The following LONP2 variants were observed in gnomAD, a reference collection of about 807,000 sequenced individuals.
LONP2 encodes the protein lon protease homolog 2, peroxisomal.
A neutral mutation model predicts 85.6 loss-of-function variants in LONP2; 60 were observed. The ratio of observed to expected loss-of-function variants is 0.70; its 90% CI spans 0.57 to 0.87. The LOEUF (loss-of-function observed/expected upper bound fraction) is 0.87. Among genes scored for constraint, LONP2 ranks in the 40% least tolerant of loss-of-function variants. The pLI, the probability that LONP2 is intolerant of heterozygous loss-of-function variation, is 0.00. For missense variants in LONP2, 860 were observed against 1,063.5 expected (o/e 0.81, Z 2.66); for synonymous variants, 395 against 389.7 (o/e 1.01, Z -0.16).
chr16:48,348,211 C>T lies in LONP2; in HGVS notation c.2258C>T (p.Ala753Val). 6.2e-7 allele frequency: 1 copy of T among 1,612,646 alleles called. No individual in the cohort carries two copies. Among genetic ancestry groups the T allele is most frequent in the Non-Finnish European group, 8.5e-7 (1 of 1,179,696 alleles). Residue 753 changes from alanine to valine, a missense_variant, in exon 14 of 15, where the codon GCC becomes GTC. Physicochemically the swap from Ala to Val is moderately conservative, Grantham distance 64. This residue lies in a region of LONP2 where 115 missense variants were observed against 129.0 expected (regional missense o/e 0.89). Transcript: ENST00000285737. Reference protein sequence around the residue: ...SAGVTIVTCLASLFSGRLVRS... With the variant: ...SAGVTIVTCLVSLFSGRLVRS... ...GGAGTTACCATAGTAACCTGTCTCG[C>T]CTCACTTTTTAGTGGGCGGCTGGTA...
chr16:48,281,061 C>A (rs1056288008), intron 8 of LONP2, among the ~76,000 whole-genome samples: 2 of 151,994 alleles, frequency 1.3e-5, no homozygotes, highest in African/African-American at 4.8e-5. Context: ...CATAGAAAAC[C>A]TGCTTTTAAA....
At chr16:48,305,857 A>T (rs60962209) in intron 11 of LONP2, among the ~76,000 whole-genome samples, 1,861 of 152,240 alleles carry the variant, frequency 0.012, 39 homozygotes, top group African/African-American at 0.042. Context: ...GTGGGTTTAT[A>T]TATTTTTTAT....
Position 48,252,217 on chromosome 16 carries a change from G to C in LONP2, c.320G>C (p.Arg107Pro). Reference sequence around the variant, plus strand: ...ACTCTGTTGATTACAGGCCTATGCCGTTTCCAGATTGTACAGGTCTTAAAA... The same window carrying C: ...ACTCTGTTGATTACAGGCCTATGCCCTTTCCAGATTGTACAGGTCTTAAAA... ...HYTLLITGLCRFQIVQVLKEK... is the reference protein window; with the variant it reads ...HYTLLITGLCPFQIVQVLKEK... Residue 107 changes from arginine (R) to proline (P), a missense_variant, in exon 2 of 15, where the codon CGT (arginine) becomes CCT (proline). Physicochemically the swap from Arg to Pro is moderately radical, Grantham distance 103. This residue lies in a region of LONP2 where 743 missense variants were observed against 917.3 expected (regional missense o/e 0.81). Transcript: ENST00000285737. 1 of 1,614,094 alleles carries C rather than the reference G, an allele frequency of 6.2e-7. No individual in the cohort carries two copies. Among genetic ancestry groups the C allele is most frequent in the Non-Finnish European group, 8.5e-7 (1 of 1,179,974 alleles).
At chr16:48,358,115 T>C (rs972988561), downstream of LONP2, among the ~76,000 whole-genome samples, 1 of 152,190 alleles carries the variant, frequency 6.6e-6, no homozygotes, top group African/African-American at 2.4e-5. Flanking sequence ...GCTATAGATC[T>C]TACCTCTATA....
intron 14 of LONP2, 92 bp from the exon 15 acceptor site, chr16:48,351,489 A>C (rs1567356134): frequency 1.1e-6 from 1 of 914,304 alleles, no homozygotes; most frequent in African/African-American, 1.7e-5. Flanking sequence ...TTAAAATAGT[A>C]GTGGTTAAAT....
intron 10 of LONP2, 29 bp from the exon 11 acceptor site, chr16:48,303,143 A>G (rs1972840592): frequency 6.2e-7 from 1 of 1,611,926 alleles, no homozygotes; most frequent in South Asian, 1.1e-5. Context: ...GTATATAGTC[A>G]AAAATAAAAT....
chr16:48,263,694 G>C (rs1009700946), intron 6 of LONP2, among the ~76,000 whole-genome samples: 7 of 152,218 alleles, frequency 4.6e-5, no homozygotes, highest in African/African-American at 1.7e-4. Context: ...TTGAGATCCT[G>C]ATTTCAGTTC....
chr16:48,326,172 C>T (rs1959231835), intron 11 of LONP2, among the ~76,000 whole-genome samples: 1 of 152,186 alleles, frequency 6.6e-6, no homozygotes, highest in Non-Finnish European at 1.5e-5. Flanking sequence ...TGCTAAGCAT[C>T]AGAATGCAGT....
Position 48,347,302 on chromosome 16 carries a change from T to C in LONP2, c.1939-205T>C, listed in dbSNP as rs1325130760. The stretch of plus-strand genomic sequence containing the variant: ...TTAAGGTAAAATTGCCTCTGATAAA[T>C]GTCAAAGAGGAAGTTTAGGTCTTTC... On this transcript the variant is annotated intron_variant, in intron 12 of 14. Transcript: ENST00000285737. 2.0e-5 allele frequency among the ~76,000 whole-genome samples: 3 copies of C among 152,278 alleles called. No homozygotes were observed. The East Asian group carries it at 5.8e-4, about 29-fold the overall frequency.
chr16:48,361,532 G>A (rs781763143), downstream of LONP2: 14 of 1,589,442 alleles, frequency 8.8e-6, no homozygotes, highest in East Asian at 3.1e-4. Context: ...CTTATTTTCT[G>A]TGAAACTGAA....
rs188694998 is a variant in LONP2 at position 48,294,290 on chromosome 16, A to G, written c.1384-1725A>G. Among the ~76,000 whole-genome samples, 130 of 152,268 alleles carry G rather than the reference A, an allele frequency of 8.5e-4. 1 individual carries two copies. The highest frequency in any genetic ancestry group is 3.0e-3 in the African/African-American group (126 of 41,548). ...TAGATAGTAAGACCACTCTTAACCA[A>G]TTCAATACTGAACATAATTAGTTTT... On this transcript the variant is annotated intron_variant, in intron 8 of 14. Coordinates refer to ENST00000285737, the MANE Select transcript of LONP2 (RefSeq NM_031490.5).
intron 12 of LONP2, chr16:48,344,614 G>A (rs967300928): frequency 6.6e-6 from 1 of 152,144 alleles, no homozygotes; most frequent in Admixed American, 6.5e-5. Flanking sequence ...GAAGCAACAT[G>A]GTAATCAATA....
downstream of LONP2, among the ~76,000 whole-genome samples, chr16:48,359,073 C>T (rs1240424234): frequency 3.3e-5 from 5 of 152,106 alleles, no homozygotes; most frequent in Non-Finnish European, 5.9e-5. Context: ...CTGCAACCTC[C>T]GCTTCCTGGG....
chr16:48,345,492 TA>T (rs1319172917), intron 12 of LONP2: 1 of 152,228 alleles, frequency 6.6e-6, no homozygotes, highest in Non-Finnish European at 1.5e-5. Flanking sequence ...GATTTTATAT[TA>T]GAAAAAACAA....
At chr16:48,286,919 A>G (rs1972455700) in intron 8 of LONP2, among the ~76,000 whole-genome samples, 1 of 152,120 alleles carries the variant, frequency 6.6e-6, no homozygotes, top group African/African-American at 2.4e-5. Flanking sequence ...ATACAGTCAG[A>G]TATATAATTG....
At chr16:48,252,055 G>GC (rs1466067105) in intron 1 of LONP2, 76 bp from the exon 2 acceptor site, 1 of 1,133,540 alleles carries the variant, frequency 8.8e-7, no homozygotes, top group Non-Finnish European at 1.2e-6. Flanking sequence ...TATCAGAAAA[G>GC]CCAACACTTT....
intron 8 of LONP2, among the ~76,000 whole-genome samples, chr16:48,288,150 C>CTTTTTTTTTTTTT (rs1170612024): frequency 8.2e-6 from 1 of 121,536 alleles, no homozygotes; most frequent in Non-Finnish European, 1.7e-5. Flanking sequence ...TAGTCTTCTT[C>CTTTTTTTTTTTTT]TTTTTTTTTT....
chr16:48,277,009 G>A (rs1322466808), intron 7 of LONP2, among the ~76,000 whole-genome samples: 3 of 152,076 alleles, frequency 2.0e-5, no homozygotes, highest in African/African-American at 7.2e-5. Context: ...AATTCATAGG[G>A]TACTTTGGAC....
chr16:48,316,574 A>G (rs1439281327), intron 11 of LONP2, among the ~76,000 whole-genome samples: 1 of 149,654 alleles, frequency 6.7e-6, no homozygotes. Context: ...TGATCCACCC[A>G]CCTTGGCCTC....
Sources: gnomAD v4.1 joint callset for allele counts (sites outside exome capture counted in the v4.1 genomes callset) on GRCh38, gnomAD v4.1.1 for gene constraint, gnomAD v4.1.1 regional missense constraint, MANE v1.5 for transcripts, NCBI Gene and HGNC (gene_info 2026-07-23, HGNC 2026-07-21) for gene names.